CPA6: variants seen among roughly 807,000 people sequenced by gnomAD.
CPA6 encodes carboxypeptidase A6, also known as carboxypeptidase B.
A neutral mutation model predicts 63.3 loss-of-function variants in CPA6; 58 were observed. That is an observed-to-expected ratio of 0.92 (90% CI 0.74 to 1.14). The LOEUF (loss-of-function observed/expected upper bound fraction) is 1.14. Ranked by LOEUF, CPA6 falls within the 50% of genes most tolerant of loss-of-function variation. The pLI is 0.00. For synonymous variants in CPA6, 185 were observed against 179.0 expected, an observed-to-expected ratio of 1.03 and a Z score of -0.27; for missense variants, 565 against 526.6, an observed-to-expected ratio of 1.07 and a Z score of -0.71.
At chr8:67,712,962 G>C (rs948525099) in intron 1 of CPA6, among the ~76,000 whole-genome samples, 1 of 151,226 alleles carries the variant, frequency 6.6e-6, no homozygotes, top group South Asian at 2.1e-4. Context: ...CTCAATAATA[G>C]CCCCAAAGTG....
At chr8:67,440,902 C>T (rs1193337365) in intron 8 of CPA6, among the ~76,000 whole-genome samples, 1 of 152,164 alleles carries the variant, frequency 6.6e-6, no homozygotes, top group African/African-American at 2.4e-5. Context: ...GTTCACATGG[C>T]TTTCTTCCCT....
chr8:67,523,308 C>T (rs1812298107), intron 2 of CPA6, among the ~76,000 whole-genome samples: 1 of 152,094 alleles, frequency 6.6e-6, no homozygotes. Context: ...GTGGGCGGAT[C>T]ATGAGGTCAG....
At chr8:67,583,805 A>C (rs759879965) in intron 2 of CPA6, among the ~76,000 whole-genome samples, 26 of 152,286 alleles carry the variant, frequency 1.7e-4, no homozygotes, top group Non-Finnish European at 3.2e-4. Flanking sequence ...CTATTAGTGC[A>C]CAAAGAAAAT....
chr8:67,729,832 G>A (rs1435703210), intron 1 of CPA6, among the ~76,000 whole-genome samples: 1 of 152,222 alleles, frequency 6.6e-6, no homozygotes, highest in Non-Finnish European at 1.5e-5. Context: ...AAGCAAAACA[G>A]CTGTGTTGTT....
chr8:67,674,699 A>G (rs1042015486), intron 1 of CPA6, among the ~76,000 whole-genome samples: 1 of 152,218 alleles, frequency 6.6e-6, no homozygotes. Context: ...ATAGATCATT[A>G]TGCCAAAAAG....
At chr8:67,583,481 T>TG (rs1187686585) in intron 2 of CPA6, among the ~76,000 whole-genome samples, 1 of 152,008 alleles carries the variant, frequency 6.6e-6, no homozygotes, top group Non-Finnish European at 1.5e-5. Flanking sequence ...TAGGCCTAAG[T>TG]GGGGGATTGT....
chr8:67,620,343 G>A (rs1397002288), intron 2 of CPA6, among the ~76,000 whole-genome samples: 1 of 152,192 alleles, frequency 6.6e-6, no homozygotes, highest in East Asian at 1.9e-4. Context: ...AGGAATGGCT[G>A]TCCCATCATA....
At chr8:67,667,609 G>A (rs1816259075) in intron 1 of CPA6, among the ~76,000 whole-genome samples, 1 of 152,168 alleles carries the variant, frequency 6.6e-6, no homozygotes. Context: ...GGATCGGCAA[G>A]GTTAGGTGAC....
At chr8:67,744,217 C>A (rs1263822690) in intron 1 of CPA6, among the ~76,000 whole-genome samples, 1 of 152,176 alleles carries the variant, frequency 6.6e-6, no homozygotes, top group African/African-American at 2.4e-5. Flanking sequence ...GCTTGTATTG[C>A]AATGGTTGAG....
chr8:67,490,550 A>G (rs1161102278), intron 6 of CPA6, among the ~76,000 whole-genome samples: 1 of 152,192 alleles, frequency 6.6e-6, no homozygotes, highest in Non-Finnish European at 1.5e-5. Flanking sequence ...TTCAATTAAA[A>G]GATACTAAGG....
intron 2 of CPA6, among the ~76,000 whole-genome samples, chr8:67,597,624 A>C (rs542120909): frequency 6.6e-6 from 1 of 152,194 alleles, no homozygotes; most frequent in South Asian, 2.1e-4. Context: ...TGTTAAACCT[A>C]TCCACTGAGT....
chr8:67,543,353 A>C (rs1812745616), intron 2 of CPA6, among the ~76,000 whole-genome samples: 1 of 152,254 alleles, frequency 6.6e-6, no homozygotes, highest in Non-Finnish European at 1.5e-5. Flanking sequence ...GCTTTGCAGC[A>C]CGATATCAAG....
chr8:67,465,895 G>T (rs1373875034), intron 8 of CPA6, among the ~76,000 whole-genome samples: 1 of 152,076 alleles, frequency 6.6e-6, no homozygotes, highest in Non-Finnish European at 1.5e-5. Context: ...TGTTCATCAG[G>T]GATATTGGCC....
At chr8:67,697,346 A>C (rs80024022) in intron 1 of CPA6, among the ~76,000 whole-genome samples, 2,079 of 152,276 alleles carry the variant, frequency 0.014, 37 homozygotes, top group African/African-American at 0.046. Flanking sequence ...CTCAGAGGCA[A>C]TGTGCTCTCA....
chr8:67,493,856 T>G (rs1811655537), intron 6 of CPA6, among the ~76,000 whole-genome samples: 1 of 152,148 alleles, frequency 6.6e-6, no homozygotes, highest in Admixed American at 6.6e-5. Flanking sequence ...ATATTATACA[T>G]CTTCAATGTC....
chr8:67,646,804 G>A (rs531741716), intron 1 of CPA6, among the ~76,000 whole-genome samples: 2 of 152,148 alleles, frequency 1.3e-5, no homozygotes, highest in African/African-American at 2.4e-5. Flanking sequence ...AAGCGCAAAG[G>A]CCCTGAGATG....
intron 1 of CPA6, among the ~76,000 whole-genome samples, chr8:67,712,371 A>G (rs573016322): frequency 1.2e-4 from 19 of 152,308 alleles, no homozygotes; most frequent in East Asian, 7.7e-4. Context: ...ATCAGGGACT[A>G]AAATCAGCAA....
intron 1 of CPA6, among the ~76,000 whole-genome samples, chr8:67,663,598 C>A (rs923372643): frequency 6.6e-6 from 1 of 152,108 alleles, no homozygotes; most frequent in Non-Finnish European, 1.5e-5. Context: ...GGTCAGCTCC[C>A]ACTTATAAAT....
Position 67,510,041 on chromosome 8 carries a change from A to T in CPA6, c.433-423T>A, listed in dbSNP as rs532519349. On this transcript the variant is annotated intron_variant, in intron 4 of 10. Transcript: ENST00000297770. ...ACTTGAAAGTGTTTCTTAAAGTCCCATATATTACAATTTGCCACTGAAAGA... is the reference window on the plus strand; with the variant it reads ...ACTTGAAAGTGTTTCTTAAAGTCCCTTATATTACAATTTGCCACTGAAAGA... Among the ~76,000 whole-genome samples the T allele has an allele frequency of 2.6e-5, 4 of 152,320 alleles. No homozygotes were observed. In the East Asian group the frequency reaches 7.7e-4, roughly 29 times the overall value.
Sources: allele counts gnomAD v4.1 joint callset (sites outside exome capture counted in the v4.1 genomes callset), GRCh38; gene constraint gnomAD v4.1.1; transcripts MANE v1.5; gene names NCBI Gene and HGNC (gene_info 2026-07-23, HGNC 2026-07-21).